AGTPBP1: variants seen among roughly 807,000 people sequenced by gnomAD.
AGTPBP1 encodes ATP/GTP binding carboxypeptidase 1.
In AGTPBP1, 70 loss-of-function variants were observed where a neutral mutation model predicts 143.9. The observed-to-expected ratio is 0.49, with a 90% CI of 0.40 to 0.59. The LOEUF is 0.59. Ranked by LOEUF, AGTPBP1 falls within the 20% of genes least tolerant of loss-of-function variation. AGTPBP1 has a pLI of 0.00. For synonymous variants in AGTPBP1, 463 were observed against 500.2 expected, an observed-to-expected ratio of 0.93 and a Z score of 0.99; for missense variants, 1,229 against 1,464.5, an observed-to-expected ratio of 0.84 and a Z score of 2.62.
At chr9:85,638,784 AT>A (rs1354187478) in intron 13 of AGTPBP1, among the ~76,000 whole-genome samples, 4 of 152,092 alleles carry the variant, frequency 2.6e-5, no homozygotes, top group East Asian at 1.9e-4. Flanking sequence ...CCCTCAAAAA[AT>A]ATATAACAAA....
chr9:85,669,760 T>C (rs1185208224), intron 7 of AGTPBP1, among the ~76,000 whole-genome samples, 182 bp from the exon 8 acceptor site: 2 of 148,228 alleles, frequency 1.3e-5, no homozygotes, highest in African/African-American at 5.0e-5. Flanking sequence ...TGCTTTGTTA[T>C]GGAAAGTGCA....
the AGTPBP1 span, among the ~76,000 whole-genome samples, chr9:85,767,007 C>T: frequency 2.5e-4 from 35 of 140,948 alleles, no homozygotes; most frequent in Admixed American, 1.0e-3. Context: ...CAGGTCACAC[C>T]GCTTTTTTTT....
chr9:85,600,958 G>A (rs1829628791), intron 17 of AGTPBP1, among the ~76,000 whole-genome samples: 1 of 152,124 alleles, frequency 6.6e-6, no homozygotes, highest in African/African-American at 2.4e-5. Flanking sequence ...CAGAGGACAG[G>A]GTCCCCTACC....
chr9:85,551,522 T>A (rs1348899053), intron 25 of AGTPBP1, among the ~76,000 whole-genome samples: 1 of 152,196 alleles, frequency 6.6e-6, no homozygotes, highest in Non-Finnish European at 1.5e-5. Context: ...GACTTACCCA[T>A]CTGATCTCTC....
intron 2 of AGTPBP1, among the ~76,000 whole-genome samples, chr9:85,711,312 T>A (rs1210742102): frequency 6.6e-6 from 1 of 152,156 alleles, no homozygotes; most frequent in Non-Finnish European, 1.5e-5. Context: ...CAATATACAA[T>A]CAGAATTGTC....
At chr9:85,643,347 T>A (rs1020682416) in intron 12 of AGTPBP1, among the ~76,000 whole-genome samples, 1 of 152,196 alleles carries the variant, frequency 6.6e-6, no homozygotes, top group African/African-American at 2.4e-5. Flanking sequence ...TTATTCTGCA[T>A]AAGAACACTA....
At chr9:85,644,855 A>C (rs925915583) in intron 12 of AGTPBP1, among the ~76,000 whole-genome samples, 2 of 152,150 alleles carry the variant, frequency 1.3e-5, no homozygotes, top group African/African-American at 4.8e-5. Context: ...ATTCAGATAA[A>C]AAAAGGAAAA....
At chr9:85,659,147 G>A (rs1231504650) in intron 9 of AGTPBP1, among the ~76,000 whole-genome samples, 7 of 152,090 alleles carry the variant, frequency 4.6e-5, no homozygotes, top group Non-Finnish European at 1.0e-4. Flanking sequence ...CAGGTGCTGA[G>A]TGCCCCTTAA....
chr9:85,583,055 A>G (rs1286726072), intron 23 of AGTPBP1, among the ~76,000 whole-genome samples: 1 of 152,184 alleles, frequency 6.6e-6, no homozygotes, highest in Non-Finnish European at 1.5e-5. Flanking sequence ...AGATGTGACA[A>G]TGGAAGCAGA....
At chr9:85,575,189 ATTAAC>A (rs940755685) in intron 25 of AGTPBP1, 121 bp downstream of exon 25, 3 of 578,708 alleles carry the variant, frequency 5.2e-6, no homozygotes, top group African/African-American at 3.9e-5. Flanking sequence ...TATTTGATGT[ATTAAC>A]TTAATTATAT....
At chr9:85,646,297 C>T in intron 12 of AGTPBP1, 24 bp downstream of exon 12, 1 of 1,555,944 alleles carries the variant, frequency 6.4e-7, no homozygotes, top group Non-Finnish European at 8.8e-7. Context: ...ATAAAGCTAA[C>T]TAATTACAGA....
At chr9:85,570,312 T>C (rs951930512) in intron 25 of AGTPBP1, among the ~76,000 whole-genome samples, 2 of 152,244 alleles carry the variant, frequency 1.3e-5, no homozygotes, top group Non-Finnish European at 2.9e-5. Flanking sequence ...GTTTTTGGAC[T>C]GCATTTGACC....
intron 17 of AGTPBP1, among the ~76,000 whole-genome samples, chr9:85,606,889 A>G (rs903832461): frequency 2.0e-5 from 3 of 151,916 alleles, no homozygotes; most frequent in Non-Finnish European, 4.4e-5. Context: ...ATAGATACAA[A>G]AGCTGAGAAG....
chr9:85,738,297 G>T (rs535505527), intron 1 of AGTPBP1, among the ~76,000 whole-genome samples: 1 of 148,472 alleles, frequency 6.7e-6, no homozygotes, highest in South Asian at 2.1e-4. Flanking sequence ...TGCAAACCAA[G>T]AACAAGTATG....
chr9:85,556,570 T>G (rs1186236256), intron 25 of AGTPBP1, among the ~76,000 whole-genome samples: 1 of 152,136 alleles, frequency 6.6e-6, no homozygotes, highest in Admixed American at 6.5e-5. Context: ...TACAATTACC[T>G]GGTACATACA....
intron 8 of AGTPBP1, 112 bp downstream of exon 8, chr9:85,669,373 T>C: frequency 2.0e-6 from 1 of 503,674 alleles, no homozygotes; most frequent in East Asian, 3.3e-5. Context: ...AACTAAGAAA[T>C]GAAATAACCC....
intron 1 of AGTPBP1, among the ~76,000 whole-genome samples, 160 bp from the exon 2 acceptor site, chr9:85,712,726 C>T (rs1277693612): frequency 6.6e-6 from 1 of 152,240 alleles, no homozygotes; most frequent in South Asian, 2.1e-4. Flanking sequence ...TCTACTGGGT[C>T]GCTTCAGAAT....
the AGTPBP1 span, among the ~76,000 whole-genome samples, chr9:85,803,579 G>C: frequency 6.6e-6 from 1 of 152,134 alleles, no homozygotes; most frequent in Non-Finnish European, 1.5e-5. Flanking sequence ...AGTGCTGCTG[G>C]GCCACTGACC....
the AGTPBP1 span, among the ~76,000 whole-genome samples, chr9:85,798,050 A>G: frequency 2.9e-4 from 43 of 147,390 alleles, no homozygotes; most frequent in African/African-American, 9.8e-4. Flanking sequence ...GTGCCACCAC[A>G]TCGGCTATTT....
Sources: gnomAD v4.1 joint callset for allele counts (sites outside exome capture counted in the v4.1 genomes callset) on GRCh38, gnomAD v4.1.1 for gene constraint, MANE v1.5 for transcripts, NCBI Gene and HGNC (gene_info 2026-07-23, HGNC 2026-07-21) for gene names.